CORO2A: variants seen among roughly 807,000 people sequenced by gnomAD.
CORO2A encodes coronin-2A.
A neutral mutation model predicts 62.4 loss-of-function variants in CORO2A; 47 were observed. That is an observed-to-expected ratio of 0.75 (90% CI 0.60 to 0.96). CORO2A has a LOEUF of 0.96. Among genes scored for constraint, CORO2A ranks in the 40% least tolerant of loss-of-function variants. The pLI, the probability that CORO2A is intolerant of heterozygous loss-of-function variation, is 0.00. For missense variants in CORO2A, 610 were observed against 684.1 expected (o/e 0.89, Z 1.21); for synonymous variants, 273 against 268.9 (o/e 1.02, Z -0.15).
At chr9:98,129,992 A>G (rs1827382387) in intron 7 of CORO2A, 102 bp from the exon 8 acceptor site, 1 of 805,460 alleles carries the variant, frequency 1.2e-6, no homozygotes, top group African/African-American at 1.7e-5. Flanking sequence ...TTTTTTGATG[A>G]TCGGCAAACC....
chr9:98,158,836 A>AACAC (rs34090994), intron 1 of CORO2A, among the ~76,000 whole-genome samples: 1,551 of 149,276 alleles, frequency 0.01, 14 homozygotes, highest in African/African-American at 0.018. Context: ...AAAAGAAGAA[A>AACAC]ACACACACAC....
chr9:98,178,099 T>G (rs1037559570), intron 1 of CORO2A, among the ~76,000 whole-genome samples: 4 of 152,174 alleles, frequency 2.6e-5, no homozygotes, highest in African/African-American at 4.8e-5. Flanking sequence ...TAGGCTGGAG[T>G]GCAGTGGTGC....
At chr9:98,171,717 C>T (rs1398579577) in intron 1 of CORO2A, among the ~76,000 whole-genome samples, 2 of 151,798 alleles carry the variant, frequency 1.3e-5, no homozygotes, top group East Asian at 2.0e-4. Flanking sequence ...TAGGTCATGC[C>T]TGTCTGTGGT....
rs1192987869 is a variant in CORO2A, at chr9:98,122,392, G to C, written c.*2382C>G. The C allele has an allele frequency of 6.6e-6, 1 of 152,182 alleles. No homozygotes were observed. The highest frequency in any genetic ancestry group is 1.5e-5 in the Non-Finnish European group (1 of 68,082). The allele number at this position is 152,182 out of a possible 1,614,324, so 9.4% of individuals were successfully genotyped here. A position where few individuals can be genotyped will look rare whatever the true frequency, so the allele number is the denominator to read the frequency against. On this transcript the variant is annotated 3_prime_UTR_variant, in exon 12 of 12. Transcript: ENST00000375077. ...AATTCTAATGTACACAGCTTGGGTTGAAACCTACCAGACTAGGTGGCCTCC... is the reference window on the plus strand; with the variant it reads ...AATTCTAATGTACACAGCTTGGGTTCAAACCTACCAGACTAGGTGGCCTCC...
intron 2 of CORO2A, among the ~76,000 whole-genome samples, chr9:98,140,103 C>T (rs373087105): frequency 6.6e-6 from 1 of 152,144 alleles, no homozygotes; most frequent in Non-Finnish European, 1.5e-5. Context: ...GGACCAGGAC[C>T]CAGGCCCTCG....
At position 98,128,733 on chromosome 9, in the gene CORO2A, G is replaced by A. The variant is rs765882359; in HGVS notation, c.968-14C>T. 3.7e-6 allele frequency: 6 copies of A among 1,610,792 alleles called. No homozygotes were observed. The highest frequency in any genetic ancestry group is 1.7e-5 in the Admixed American group (1 of 59,988). On this transcript the variant is annotated splice_polypyrimidine_tract_variant and intron_variant, in intron 8 of 11. Coordinates refer to ENST00000375077, the MANE Select transcript of CORO2A (RefSeq NM_052820.4). The stretch of plus-strand genomic sequence containing the variant: ...TTGGCATGACACCTGAAGGCAGACA[G>A]GGAGGGCCAAGAGGTTCTGGCTAGG...
chr9:98,134,833 G>T lies in CORO2A; in HGVS notation c.441C>A (p.Ile147=). The change falls in exon 4 of 12, where the codon ATC becomes ATA. Residue 147 remains isoleucine, a synonymous_variant. Coordinates refer to ENST00000375077, the MANE Select transcript of CORO2A (RefSeq NM_052820.4). ...LVEWHPTAAN[I]LFSAGYDYKV... is the part of the protein sequence containing the mutation. ...TGTAGTCATAGCCAGCACTGAAGAGGATGTTGGCGGCCGTGGGGTGCCACT... is the reference window on the plus strand; with the variant it reads ...TGTAGTCATAGCCAGCACTGAAGAGTATGTTGGCGGCCGTGGGGTGCCACT... The T allele has an allele frequency of 6.2e-7, 1 of 1,613,874 alleles. No homozygotes were observed. Among genetic ancestry groups the T allele is most frequent in the African/African-American group, 1.3e-5 (1 of 75,060 alleles).
chr9:98,189,680 T>C (rs943328263), intron 1 of CORO2A, among the ~76,000 whole-genome samples: 1 of 149,638 alleles, frequency 6.7e-6, no homozygotes, highest in Non-Finnish European at 1.5e-5. Context: ...GGTCACACAG[T>C]AGGGAAGAGG....
chr9:98,159,751 A>C (rs985664138), intron 1 of CORO2A, among the ~76,000 whole-genome samples: 1 of 151,712 alleles, frequency 6.6e-6, no homozygotes, highest in Non-Finnish European at 1.5e-5. Flanking sequence ...GTCTACCCTG[A>C]TTTGGGGTTC....
intron 2 of CORO2A, among the ~76,000 whole-genome samples, chr9:98,145,994 A>G (rs1827639784): frequency 6.6e-6 from 1 of 152,160 alleles, no homozygotes; most frequent in South Asian, 2.1e-4. Context: ...TACAGGTGTG[A>G]GCCACCATGC....
chr9:98,166,606 G>A lies in CORO2A; in HGVS notation c.1-8946C>T, dbSNP rs570732662. Among the ~76,000 whole-genome samples, 35 of 152,222 alleles carry A rather than the reference G, an allele frequency of 2.3e-4. No individual in the cohort carries two copies. The South Asian group carries it at 5.6e-3, about 24-fold the overall frequency. The stretch of plus-strand genomic sequence containing the variant: ...GTTTAGTTGCTATGAAAGATAGTAC[G>A]GCAGTTCATCAAAAATTTAAAAATA... On this transcript the variant is annotated intron_variant, in intron 1 of 11. Transcript: ENST00000375077.
intron 1 of CORO2A, among the ~76,000 whole-genome samples, chr9:98,189,875 G>A (rs973324541): frequency 3.0e-5 from 4 of 135,314 alleles, no homozygotes; most frequent in East Asian, 4.1e-4. Flanking sequence ...TTCACTAGAC[G>A]GCAACTCCTT....
In CORO2A at chr9:98,126,473, C is replaced by A; in HGVS notation, c.1446+76G>T. 2 of 1,536,316 alleles carry A rather than the reference C, an allele frequency of 1.3e-6. 1 individual carries two copies. Among genetic ancestry groups the A allele is most frequent in the Non-Finnish European group, 1.8e-6 (2 of 1,136,746 alleles). On this transcript the variant is annotated intron_variant, in intron 11 of 11. Transcript: ENST00000375077. ...ATTCTTCTCATGCCTCATTTTCTCC[C>A]TTCTTCTCAGCCTGGATCTGTTCCC...
chr9:98,182,757 C>T (rs1388864624), intron 1 of CORO2A, among the ~76,000 whole-genome samples: 2 of 152,192 alleles, frequency 1.3e-5, no homozygotes, highest in Non-Finnish European at 2.9e-5. Flanking sequence ...GGTGAAGATT[C>T]CATGAGTGAA....
chr9:98,125,220 A>T (rs901267126), intron 11 of CORO2A, among the ~76,000 whole-genome samples: 3 of 152,214 alleles, frequency 2.0e-5, no homozygotes, highest in African/African-American at 7.2e-5. Context: ...GACCTTGGGC[A>T]AGTTACTTAC....
Position 98,128,796 on chromosome 9 carries a change from A to G in CORO2A, c.968-77T>C. 4 of 1,147,270 alleles carry G rather than the reference A, an allele frequency of 3.5e-6. No individual in the cohort carries two copies. In the South Asian group the frequency reaches 5.0e-5, roughly 14 times the overall value. The allele number at this position is 1,147,270 out of a possible 1,614,324, so 71.1% of individuals were successfully genotyped here. ...TGTTAGGGCCAAAGCCAGGCTGCAC[A>G]CCTGGACCTGAACAGAGACCAGTCT... On this transcript the variant is annotated intron_variant, in intron 8 of 11. Coordinates refer to ENST00000375077, the MANE Select transcript of CORO2A (RefSeq NM_052820.4).
At chr9:98,162,952 T>G (rs1469690214) in intron 1 of CORO2A, among the ~76,000 whole-genome samples, 1 of 152,230 alleles carries the variant, frequency 6.6e-6, no homozygotes, top group African/African-American at 2.4e-5. Context: ...GCCACTCATC[T>G]TATCCTGCCC....
intron 1 of CORO2A, among the ~76,000 whole-genome samples, chr9:98,184,924 T>G (rs1281054326): frequency 1.3e-5 from 2 of 152,196 alleles, no homozygotes; most frequent in Non-Finnish European, 2.9e-5. Context: ...CCTGGCATTT[T>G]GTAGTTCATA....
At chr9:98,173,314 T>C (rs1828063977) in intron 1 of CORO2A, among the ~76,000 whole-genome samples, 1 of 152,166 alleles carries the variant, frequency 6.6e-6, no homozygotes, top group African/African-American at 2.4e-5. Flanking sequence ...AGCTCTATGA[T>C]TCACAACTAT....
Sources: allele counts gnomAD v4.1 joint callset (sites outside exome capture counted in the v4.1 genomes callset), GRCh38; gene constraint gnomAD v4.1.1; transcripts MANE v1.5; gene names NCBI Gene and HGNC (gene_info 2026-07-23, HGNC 2026-07-21).